The following MACF1 variants were observed in gnomAD, a reference collection of about 807,000 sequenced individuals.
MACF1 encodes the protein microtubule-actin cross-linking factor 1.
A neutral mutation model predicts 854.8 loss-of-function variants in MACF1; 193 were observed. The observed-to-expected ratio is 0.23, with a 90% CI of 0.20 to 0.25. MACF1 has a LOEUF of 0.25. MACF1 is among the 10% of genes least tolerant of loss of function. The pLI is 1.00. For missense variants in MACF1, 7,722 were observed against 8,929.1 expected (o/e 0.86, Z 5.45); for synonymous variants, 3,185 against 3,226.7 (o/e 0.99, Z 0.44).
intron 31 of MACF1, among the ~76,000 whole-genome samples, chr1:39,320,548 C>T (rs1202436823): frequency 1.3e-5 from 2 of 152,182 alleles, no homozygotes; most frequent in Non-Finnish European, 2.9e-5. Context: ...GATCATGTCA[C>T]TCTCCTGCTC....
intron 54 of MACF1, among the ~76,000 whole-genome samples, chr1:39,379,925 A>C (rs756223229): frequency 6.6e-6 from 1 of 152,204 alleles, no homozygotes; most frequent in Non-Finnish European, 1.5e-5. Context: ...ATTCCCATTG[A>C]GCGTAGCATC....
Position 39,434,598 on chromosome 1 carries a change from A to C in MACF1, c.17750A>C (p.His5917Pro), listed in dbSNP as rs771898410. Reference sequence around the variant, plus strand: ...CAGTTACCCTCTCCAGCCATTGATCATGAGCAGCTCAGGCAGCAACAAGAG... The same window carrying C: ...CAGTTACCCTCTCCAGCCATTGATCCTGAGCAGCTCAGGCAGCAACAAGAG... ...IAQLPSPAID[H>P]EQLRQQQEEM... is the part of the protein sequence containing the mutation. The change falls in exon 69 of 101, where the codon CAT (histidine) becomes CCT (proline). Residue 5917 changes from histidine to proline, a missense_variant. By Grantham distance (77) the His-to-Pro change is moderately conservative (BLOSUM62 -2). Coordinates refer to ENST00000564288, the MANE Select transcript of MACF1 (RefSeq NM_001394062.1). 1 of 1,614,208 alleles carries C rather than the reference A, an allele frequency of 6.2e-7. No homozygotes were observed. Among genetic ancestry groups the C allele is most frequent in the Non-Finnish European group, 8.5e-7 (1 of 1,180,028 alleles).
At chr1:39,309,302 C>T (rs886866300) in intron 23 of MACF1, among the ~76,000 whole-genome samples, 3 of 150,446 alleles carry the variant, frequency 2.0e-5, no homozygotes, top group Non-Finnish European at 4.4e-5. Flanking sequence ...CTCACTATGT[C>T]GCCCAGGCTG....
chr1:39,314,182 G>A (rs1464667349), intron 26 of MACF1, among the ~76,000 whole-genome samples: 1 of 152,186 alleles, frequency 6.6e-6, no homozygotes, highest in Non-Finnish European at 1.5e-5. Flanking sequence ...GCCAAGGCAG[G>A]TGGATCACCT....
At chr1:39,313,708 A>G (rs1259355146) in intron 26 of MACF1, among the ~76,000 whole-genome samples, 2 of 152,158 alleles carry the variant, frequency 1.3e-5, no homozygotes, top group Non-Finnish European at 2.9e-5. Flanking sequence ...AAAGTTAGCC[A>G]ATGGAAGCCC....
chr1:39,484,551 G>C, intron 99 of MACF1, 50 bp from the exon 100 acceptor site: 1 of 1,555,738 alleles, frequency 6.4e-7, no homozygotes, highest in Non-Finnish European at 8.7e-7. Context: ...TTGAATTTCT[G>C]GCAAAGATTT....
At chr1:39,098,152 A>G (rs1430219728) in intron 2 of MACF1, among the ~76,000 whole-genome samples, 1 of 152,222 alleles carries the variant, frequency 6.6e-6, no homozygotes, top group Non-Finnish European at 1.5e-5. Flanking sequence ...AAGAGTGAAG[A>G]TAAAAACAGT....
chr1:39,332,818 C>T lies in MACF1; in HGVS notation c.6230C>T (p.Pro2077Leu). ...VETEDSSVEN[P>L]EQDLFVEQKE... ...ACAGAAGATTCTTCTGTAGAGAACC[C>T]TGAACAGGATCTGTTTGTAGAACAA... Residue 2077 changes from proline to leucine, a missense_variant, in exon 37 of 101, where the codon CCT (proline) becomes CTT (leucine). Coordinates refer to ENST00000564288, the MANE Select transcript of MACF1 (RefSeq NM_001394062.1). 1 of 1,614,034 alleles carries T rather than the reference C, an allele frequency of 6.2e-7. No individual in the cohort carries two copies. The highest frequency in any genetic ancestry group is 8.5e-7 in the Non-Finnish European group (1 of 1,180,004).
intron 52 of MACF1, among the ~76,000 whole-genome samples, chr1:39,374,235 C>CT (rs1241876263): frequency 6.6e-6 from 1 of 152,160 alleles, no homozygotes; most frequent in East Asian, 1.9e-4. Flanking sequence ...GGGCGAGACT[C>CT]TGTCTAAAAA....
intron 2 of MACF1, among the ~76,000 whole-genome samples, chr1:39,176,141 G>A (rs1247812368): frequency 2.7e-5 from 2 of 75,398 alleles, no homozygotes; most frequent in Admixed American, 1.6e-4. Flanking sequence ...AGGTGTGGTG[G>A]CAGGCGCCTG....
rs1455804611 is a variant in MACF1 at position 39,332,253 on chromosome 1, C to T, written c.5665C>T (p.Leu1889=). The change falls in exon 37 of 101, where the codon CTG becomes TTG. Residue 1889 remains leucine (L), a synonymous_variant. Coordinates refer to ENST00000564288, the MANE Select transcript of MACF1 (RefSeq NM_001394062.1). ...TAGTAACCGACAGCATATTAAGGCTCTGTTTCTACCAGCAACCACAGAGAT... is the reference window on the plus strand; with the variant it reads ...TAGTAACCGACAGCATATTAAGGCTTTGTTTCTACCAGCAACCACAGAGAT... ...ILSNRQHIKA[L]FLPATTEILS... The T allele has an allele frequency of 3.1e-6, 5 of 1,613,842 alleles. No homozygotes were observed. The highest frequency in any genetic ancestry group is 2.2e-5 in the East Asian group (1 of 44,900).
intron 97 of MACF1, among the ~76,000 whole-genome samples, chr1:39,469,959 G>T (rs555497251): frequency 6.6e-6 from 1 of 152,174 alleles, no homozygotes; most frequent in Non-Finnish European, 1.5e-5. Flanking sequence ...CATAGAAAAC[G>T]TAAATAATTT....
At chr1:39,175,639 C>T (rs1411254974) in intron 2 of MACF1, among the ~76,000 whole-genome samples, 1 of 152,018 alleles carries the variant, frequency 6.6e-6, no homozygotes, top group Non-Finnish European at 1.5e-5. Context: ...TTCTGTTTTT[C>T]TAATTTCTTC....
intron 58 of MACF1, chr1:39,412,692 T>C: frequency 6.2e-7 from 1 of 1,613,956 alleles, no homozygotes; most frequent in Non-Finnish European, 8.5e-7. Context: ...TAAATATTTT[T>C]CCAGAGAAAC....
intron 2 of MACF1, chr1:39,103,373 G>T (rs947715252): frequency 1.2e-4 from 26 of 213,746 alleles, no homozygotes; most frequent in South Asian, 1.5e-4. Flanking sequence ...ATGTCTGTGT[G>T]GGGGTGAGAT....
At chr1:39,436,267 T>C (rs1643973016) in intron 70 of MACF1, among the ~76,000 whole-genome samples, 1 of 152,208 alleles carries the variant, frequency 6.6e-6, no homozygotes, top group Non-Finnish European at 1.5e-5. Flanking sequence ...AATATATTAC[T>C]CTTAGTGGTA....
At chr1:39,140,429 A>G (rs948102975) in intron 2 of MACF1, among the ~76,000 whole-genome samples, 1 of 152,228 alleles carries the variant, frequency 6.6e-6, no homozygotes, top group African/African-American at 2.4e-5. Flanking sequence ...TGTCTCTGAC[A>G]TCCCATAGCA....
intron 2 of MACF1, among the ~76,000 whole-genome samples, chr1:39,158,137 A>G (rs992038584): frequency 9.2e-5 from 14 of 152,204 alleles, no homozygotes; most frequent in Admixed American, 3.9e-4. Context: ...TGAGGCCAGC[A>G]GTAGAAAGAA....
In MACF1 at chr1:39,317,204, G is replaced by A. The variant is rs1442646709; in HGVS notation, c.3589-10G>A. 11 of 1,612,438 alleles carry A rather than the reference G, an allele frequency of 6.8e-6. No homozygotes were observed. ...GTATACAACCTGTTTCTGTACTTAT[G>A]TTTCCACAGCACTGGCTTAGTGATG... On this transcript the variant is annotated splice_polypyrimidine_tract_variant and intron_variant, in intron 28 of 100. Transcript: ENST00000564288.
Sources: gnomAD v4.1 joint callset for allele counts (sites outside exome capture counted in the v4.1 genomes callset) on GRCh38, gnomAD v4.1.1 for gene constraint, MANE v1.5 for transcripts, NCBI Gene and HGNC (gene_info 2026-07-23, HGNC 2026-07-21) for gene names.